Variants in AGAP1 observed in about 807,000 individuals in gnomAD.
AGAP1 encodes arf-GAP with GTPase, ANK repeat and PH domain-containing protein 1.
Under a neutral mutation model 105.3 loss-of-function variants are expected in AGAP1, and 29 were observed. That is an observed-to-expected ratio of 0.28 (90% confidence interval 0.21 to 0.38). The LOEUF is 0.38. Ranked by LOEUF, AGAP1 falls within the 10% of genes least tolerant of loss-of-function variation. The pLI is 1.00. For synonymous variants in AGAP1, 509 were observed against 485.9 expected (o/e 1.05, Z -0.63); for missense variants, 998 against 1,165.1 (o/e 0.86, Z 2.09).
intron 1 of AGAP1, among the ~76,000 whole-genome samples, chr2:235,651,304 G>C (rs143386325): frequency 6.7e-6 from 1 of 149,952 alleles, no homozygotes; most frequent in Admixed American, 6.7e-5. Context: ...TAAACAGGAA[G>C]TTCTAGTACC....
At chr2:235,694,046 A>G (rs1229266284) in intron 1 of AGAP1, among the ~76,000 whole-genome samples, 2 of 152,196 alleles carry the variant, frequency 1.3e-5, no homozygotes, top group South Asian at 2.1e-4. Flanking sequence ...AGCATGAGGA[A>G]TAAGATCGGG....
intron 13 of AGAP1, among the ~76,000 whole-genome samples, chr2:235,968,976 C>T (rs190278352): frequency 6.6e-6 from 1 of 152,330 alleles, no homozygotes; most frequent in Admixed American, 6.5e-5. Context: ...TGCTGCGTGA[C>T]TCTGCTGGGG....
In AGAP1 at chr2:235,867,721, G is replaced by A. The variant is rs1452234181; in HGVS notation, c.1051-15624G>A. On this transcript the variant is annotated intron_variant, in intron 9 of 17. Transcript: ENST00000304032. This position sits in a 1 kb window ranked among gnomAD's most constrained non-coding sequence, Gnocchi z 5.4. ...GCAAAAGCAAGATGACTAAGTGTTC[G>A]TTACGGAAAAGTGGGATGTCAGGGG... Among the ~76,000 whole-genome samples, 2 of 152,148 alleles carry A rather than the reference G, an allele frequency of 1.3e-5. No individual in the cohort carries two copies. The highest frequency in any genetic ancestry group is 1.9e-4 in the East Asian group (1 of 5,182).
At position 236,050,556 on chromosome 2, in the gene AGAP1, A is replaced by C. The variant is rs1046529698; in HGVS notation, c.2114+1275A>C. Among the ~76,000 whole-genome samples the C allele has an allele frequency of 1.3e-5, 2 of 152,236 alleles. No individual in the cohort carries two copies. Among genetic ancestry groups the C allele is most frequent in the African/African-American group, 4.8e-5 (2 of 41,460 alleles). The stretch of plus-strand genomic sequence containing the variant: ...TGCTACCATAGAAATCAGCTGGGTC[A>C]TCAACTGTGAACAAGCTTAAAAGAT... On this transcript the variant is annotated intron_variant, in intron 16 of 17. Coordinates refer to ENST00000304032, the MANE Select transcript of AGAP1 (RefSeq NM_001037131.3). This position sits in a 1 kb window ranked among gnomAD's most constrained non-coding sequence, Gnocchi z 4.0.
rs1339072117 is a variant in AGAP1 at position 235,906,291 on chromosome 2, C to T, written c.1156-2447C>T. 1.3e-5 allele frequency among the ~76,000 whole-genome samples: 2 copies of T among 152,204 alleles called. No individual in the cohort carries two copies. The highest frequency in any genetic ancestry group is 4.8e-5 in the African/African-American group (2 of 41,452). On this transcript the variant is annotated intron_variant, in intron 10 of 17. Transcript: ENST00000304032. This position sits in a 1 kb window ranked among gnomAD's most constrained non-coding sequence, Gnocchi z 5.3. ...TTGCCGGGGAATGCCCGGCCTTGCC[C>T]CTGCCTCTGAATTTGCCCCACTGTA...
intron 1 of AGAP1, among the ~76,000 whole-genome samples, chr2:235,515,244 G>A (rs1022710451): frequency 6.6e-6 from 1 of 152,156 alleles, no homozygotes; most frequent in African/African-American, 2.4e-5. Flanking sequence ...GTGGCTTTGA[G>A]CATAGAGGCG....
Position 235,769,257 on chromosome 2 carries a change from T to A in AGAP1, c.673+18769T>A, listed in dbSNP as rs1955224379. Among the ~76,000 whole-genome samples, 1 of 152,176 alleles carries A rather than the reference T, an allele frequency of 6.6e-6. No homozygotes were observed. The highest frequency in any genetic ancestry group is 2.1e-4 in the South Asian group (1 of 4,830). On this transcript the variant is annotated intron_variant, in intron 6 of 17. Transcript: ENST00000304032. This position sits in a 1 kb window ranked among gnomAD's most constrained non-coding sequence, Gnocchi z 4.4. ...GTGCCCTCCAGGAGTACTCCTGGGATTGGTGGCAGGTCATGCAGTCATTGC... is the reference window on the plus strand; with the variant it reads ...GTGCCCTCCAGGAGTACTCCTGGGAATGGTGGCAGGTCATGCAGTCATTGC...
At chr2:235,677,664 G>A (rs929492434) in intron 1 of AGAP1, among the ~76,000 whole-genome samples, 7 of 151,562 alleles carry the variant, frequency 4.6e-5, no homozygotes, top group Admixed American at 4.6e-4. Context: ...ATTGTCAGAG[G>A]GAATCTTGTG....
intron 16 of AGAP1, among the ~76,000 whole-genome samples, chr2:236,102,512 C>T (rs1371140541): frequency 2.7e-5 from 4 of 150,848 alleles, no homozygotes; most frequent in African/African-American, 4.9e-5. Context: ...CACTTGAACC[C>T]GGGATGCAGA....
At chr2:235,597,092 G>C (rs1265221586) in intron 1 of AGAP1, among the ~76,000 whole-genome samples, 1 of 152,254 alleles carries the variant, frequency 6.6e-6, no homozygotes, top group African/African-American at 2.4e-5. Flanking sequence ...ATCACAGCCA[G>C]ATTAAGGGAG....
chr2:236,058,292 ACCAGACTGTTGTCTGG>A lies in AGAP1; in HGVS notation c.2114+9013_2114+9028del, dbSNP rs1559234594. 6.6e-6 allele frequency among the ~76,000 whole-genome samples: 1 copy of A among 152,104 alleles called. No individual in the cohort carries two copies. The highest frequency in any genetic ancestry group is 1.9e-4 in the East Asian group (1 of 5,186). The stretch of plus-strand genomic sequence containing the variant: ...CCCAGGTCTTCTGTTTTCTTCCTTT[ACCAGACTGTTGTCTGG>A]CTTAGCATATCCAGTATATCCCAGC... On this transcript the variant is annotated intron_variant, in intron 16 of 17. Transcript: ENST00000304032. The surrounding 1 kb of genome is among the most constrained non-coding windows in gnomAD (Gnocchi z 4.6).
chr2:235,671,617 C>T (rs1423462713), intron 1 of AGAP1, among the ~76,000 whole-genome samples: 1 of 152,194 alleles, frequency 6.6e-6, no homozygotes, highest in East Asian at 1.9e-4. Flanking sequence ...AGTGGTGGGG[C>T]CTGGGGTGGG....
rs187080023 is a variant in AGAP1, at chr2:236,061,251, C to T, written c.2114+11970C>T. On this transcript the variant is annotated intron_variant, in intron 16 of 17. Coordinates refer to ENST00000304032, the MANE Select transcript of AGAP1 (RefSeq NM_001037131.3). This position sits in a 1 kb window ranked among gnomAD's most constrained non-coding sequence, Gnocchi z 4.1. ...GGTCGTGGCAAGTGTTGGTGAGGAA[C>T]GTGGAGACACTGGTGCAGCCACTTG... Among the ~76,000 whole-genome samples the T allele has an allele frequency of 3.3e-5, 5 of 152,284 alleles. No individual in the cohort carries two copies. In the East Asian group the frequency reaches 5.8e-4, roughly 18 times the overall value.
chr2:235,730,344 T>C (rs1951873579), intron 3 of AGAP1, among the ~76,000 whole-genome samples: 1 of 152,026 alleles, frequency 6.6e-6, no homozygotes, highest in Non-Finnish European at 1.5e-5. Context: ...CCTCTCTGGA[T>C]TCTAACACTT....
intron 1 of AGAP1, among the ~76,000 whole-genome samples, chr2:235,629,146 T>C (rs1024325748): frequency 1.3e-5 from 2 of 152,102 alleles, no homozygotes; most frequent in Non-Finnish European, 2.9e-5. Flanking sequence ...CTCCCACCTA[T>C]CCGTGAGAAC....
At chr2:235,818,767 G>A (rs1235845748) in intron 9 of AGAP1, among the ~76,000 whole-genome samples, 1 of 152,044 alleles carries the variant, frequency 6.6e-6, no homozygotes, top group Admixed American at 6.6e-5. Flanking sequence ...TAGTAGAGAT[G>A]GGGTTTCACC....
rs78035574 is a variant in AGAP1, at chr2:236,068,489, C to T, written c.2114+19208C>T. Among the ~76,000 whole-genome samples, 1,306 of 152,056 alleles carry T rather than the reference C, an allele frequency of 8.6e-3. 16 individuals are homozygous for T. Among genetic ancestry groups the T allele is most frequent in the African/African-American group, 0.029 (1,209 of 41,426 alleles). ...CCTTTAAAATGATATGCTTTTTGACCTAGCAGTTCTTCTCTTAACATTTAT... is the reference window on the plus strand; with the variant it reads ...CCTTTAAAATGATATGCTTTTTGACTTAGCAGTTCTTCTCTTAACATTTAT... On this transcript the variant is annotated intron_variant, in intron 16 of 17. Transcript: ENST00000304032.
intron 6 of AGAP1, among the ~76,000 whole-genome samples, chr2:235,771,840 A>G (rs1023497757): frequency 2.0e-5 from 3 of 152,112 alleles, no homozygotes; most frequent in African/African-American, 4.8e-5. Flanking sequence ...TAACCTTACA[A>G]TATTTCATAT....
chr2:236,040,945 G>A lies in AGAP1; in HGVS notation c.1891+104G>A. 1.7e-6 allele frequency: 2 copies of A among 1,150,812 alleles called. No homozygotes were observed. 71.3% of individuals were successfully genotyped at this position (1,150,812 alleles called of 1,614,324 possible). On this transcript the variant is annotated intron_variant, in intron 15 of 17. Coordinates refer to ENST00000304032, the MANE Select transcript of AGAP1 (RefSeq NM_001037131.3). The surrounding 1 kb of genome is among the most constrained non-coding windows in gnomAD (Gnocchi z 5.6). ...GGACTCACATCTGTCCTGTTTGGCA[G>A]ATAAGAGTTAACTGCTTTTAGGAAA...
Sources: gnomAD v4.1 joint callset for allele counts (sites outside exome capture counted in the v4.1 genomes callset) on GRCh38, gnomAD v4.1.1 for gene constraint, Gnocchi (gnomAD v3.1) non-coding constraint, MANE v1.5 for transcripts, NCBI Gene and HGNC (gene_info 2026-07-23, HGNC 2026-07-21) for gene names.